Variants in WDR70 observed in about 807,000 individuals in gnomAD.
WDR70 encodes the protein WD repeat-containing protein 70.
A neutral mutation model predicts 88.6 loss-of-function variants in WDR70; 53 were observed. The ratio of observed to expected loss-of-function variants is 0.60; its 90% CI spans 0.48 to 0.75. The LOEUF (loss-of-function observed/expected upper bound fraction) is 0.75, where lower values mean the gene tolerates loss of function less well. WDR70 is among the 30% of genes least tolerant of loss of function. WDR70 has a pLI of 0.00. For missense variants in WDR70, 610 were observed against 823.2 expected, an observed-to-expected ratio of 0.74 and a Z score of 3.17; for synonymous variants, 280 against 270.0, an observed-to-expected ratio of 1.04 and a Z score of -0.36.
intron 7 of WDR70, among the ~76,000 whole-genome samples, chr5:37,457,758 A>G (rs983335069): frequency 6.6e-6 from 1 of 152,202 alleles, no homozygotes; most frequent in Non-Finnish European, 1.5e-5. Flanking sequence ...AACAGTACAG[A>G]CTGTGACCAG....
At chr5:37,438,077 C>A in intron 6 of WDR70, 96 bp downstream of exon 6, 2 of 1,002,082 alleles carry the variant, frequency 2.0e-6, no homozygotes, top group African/African-American at 1.6e-5. Context: ...GCTAATTATA[C>A]AATCAACTGA....
At chr5:37,598,796 A>T (rs918155325) in intron 9 of WDR70, among the ~76,000 whole-genome samples, 1 of 152,236 alleles carries the variant, frequency 6.6e-6, no homozygotes, top group African/African-American at 2.4e-5. Flanking sequence ...GTAAAATTAA[A>T]ACTGTGTTTC....
chr5:37,495,178 C>T (rs1213257336), intron 8 of WDR70, among the ~76,000 whole-genome samples: 1 of 152,192 alleles, frequency 6.6e-6, no homozygotes, highest in Non-Finnish European at 1.5e-5. Flanking sequence ...TTGACCATTT[C>T]AGGAGATTTG....
At chr5:37,655,924 T>G (rs1459278150) in intron 10 of WDR70, among the ~76,000 whole-genome samples, 3 of 152,138 alleles carry the variant, frequency 2.0e-5, no homozygotes, top group Admixed American at 6.5e-5. Context: ...ACCCACCTTC[T>G]GAAGCCTACT....
chr5:37,647,336 G>A lies in WDR70; in HGVS notation c.1092+42098G>A, dbSNP rs189098535. On this transcript the variant is annotated intron_variant, in intron 10 of 17. Coordinates refer to ENST00000265107, the MANE Select transcript of WDR70 (RefSeq NM_018034.4). ...CTATTTTGAATTCTCCATCTGAAAG[G>A]TTACATATCTCTGTCTCCAGCATTG... Among the ~76,000 whole-genome samples the A allele has an allele frequency of 1.1e-4, 16 of 152,192 alleles. 1 individual carries two copies. In the East Asian group the frequency reaches 2.7e-3, roughly 26 times the overall value.
chr5:37,562,506 G>C (rs1252742859), intron 9 of WDR70, among the ~76,000 whole-genome samples: 1 of 151,544 alleles, frequency 6.6e-6, no homozygotes, highest in African/African-American at 2.4e-5. Context: ...GATTTGGCAG[G>C]GTCACAGGAC....
intron 9 of WDR70, among the ~76,000 whole-genome samples, chr5:37,600,507 A>G (rs985627428): frequency 5.4e-5 from 8 of 148,394 alleles, no homozygotes; most frequent in African/African-American, 2.0e-4. Flanking sequence ...AGCCTGGGCG[A>G]CAGAGCAAGA....
At chr5:37,466,885 G>C (rs1436734850) in intron 7 of WDR70, among the ~76,000 whole-genome samples, 1 of 151,928 alleles carries the variant, frequency 6.6e-6, no homozygotes, top group African/African-American at 2.4e-5. Context: ...TTATAGGATG[G>C]TATCTTAGTC....
intron 5 of WDR70, among the ~76,000 whole-genome samples, chr5:37,412,846 C>T (rs1749567281): frequency 6.6e-6 from 1 of 152,048 alleles, no homozygotes; most frequent in African/African-American, 2.4e-5. Context: ...CTTTTAGTTC[C>T]CAGGAGTTGA....
chr5:37,716,363 G>A (rs1018150814), intron 13 of WDR70, among the ~76,000 whole-genome samples: 1 of 152,086 alleles, frequency 6.6e-6, no homozygotes, highest in Non-Finnish European at 1.5e-5. Flanking sequence ...GGAACTAGTG[G>A]GCTTTTTAAA....
intron 10 of WDR70, among the ~76,000 whole-genome samples, chr5:37,689,584 T>A (rs1746722239): frequency 6.6e-6 from 1 of 152,204 alleles, no homozygotes. Context: ...GGAGTGGACC[T>A]CCAGCAAACT....
In WDR70 at chr5:37,579,413, G is replaced by A. The variant is rs567635799; in HGVS notation, c.918-25651G>A. ...ATCCCGGCCAACATGGTGAAACCCC[G>A]TCTCTACTAAAAATACAAAAATTAG... On this transcript the variant is annotated intron_variant, in intron 9 of 17. Transcript: ENST00000265107. Among the ~76,000 whole-genome samples, 356 of 151,720 alleles carry A rather than the reference G, an allele frequency of 2.3e-3. 3 individuals carry two copies. Among genetic ancestry groups the A allele is most frequent in the African/African-American group, 8.0e-3 (332 of 41,404 alleles).
intron 6 of WDR70, among the ~76,000 whole-genome samples, chr5:37,441,704 G>C (rs1231853764): frequency 2.0e-5 from 3 of 151,958 alleles, no homozygotes; most frequent in Admixed American, 2.0e-4. Context: ...TGTCATCCCA[G>C]CTACTTAGGA....
intron 8 of WDR70, among the ~76,000 whole-genome samples, chr5:37,514,151 A>T (rs531206850): frequency 6.6e-6 from 1 of 150,994 alleles, no homozygotes; most frequent in Non-Finnish European, 1.5e-5. Context: ...AGTAGCTGGA[A>T]CTATAGATGT....
chr5:37,551,591 T>C (rs1742146626), intron 9 of WDR70, among the ~76,000 whole-genome samples: 1 of 151,444 alleles, frequency 6.6e-6, no homozygotes, highest in South Asian at 2.1e-4. Flanking sequence ...TAGCTGGGTG[T>C]GGTGGCACAT....
At chr5:37,726,802 A>G (rs1158694633) in intron 16 of WDR70, 81 bp from the exon 17 acceptor site, 14 of 1,375,244 alleles carry the variant, frequency 1.0e-5, no homozygotes, top group Non-Finnish European at 1.3e-5. Context: ...TTGTGCTCAG[A>G]TAAGTACAGT....
chr5:37,617,098 A>G lies in WDR70; in HGVS notation c.1092+11860A>G, dbSNP rs148956440. Among the ~76,000 whole-genome samples, 5 of 152,290 alleles carry G rather than the reference A, an allele frequency of 3.3e-5. No individual in the cohort carries two copies. In the East Asian group the frequency reaches 7.7e-4, roughly 24 times the overall value. The stretch of plus-strand genomic sequence containing the variant: ...CCAGGGACCATTTCAAGTGCTTTTT[A>G]TATATTTTAATTCATTTAATCCTCA... On this transcript the variant is annotated intron_variant, in intron 10 of 17. Coordinates refer to ENST00000265107, the MANE Select transcript of WDR70 (RefSeq NM_018034.4).
chr5:37,749,842 C>CAAAA (rs1748752965), intron 17 of WDR70, among the ~76,000 whole-genome samples: 2 of 78,592 alleles, frequency 2.5e-5, no homozygotes, highest in African/African-American at 6.2e-5. Context: ...AAAAAAAAAC[C>CAAAA]AAAAACGCAG....
At chr5:37,697,492 GT>G (rs1421167715) in intron 10 of WDR70, among the ~76,000 whole-genome samples, 162 bp from the exon 11 acceptor site, 1 of 152,062 alleles carries the variant, frequency 6.6e-6, no homozygotes, top group Non-Finnish European at 1.5e-5. Flanking sequence ...AAGCCATTTG[GT>G]TTTTCTTTTT....
Sources: allele counts gnomAD v4.1 joint callset (sites outside exome capture counted in the v4.1 genomes callset), GRCh38; gene constraint gnomAD v4.1.1; transcripts MANE v1.5; gene names NCBI Gene and HGNC (gene_info 2026-07-23, HGNC 2026-07-21).